TJP2: variants seen among roughly 807,000 people sequenced by gnomAD.
TJP2 encodes the protein tight junction protein 2.
In TJP2, 91 loss-of-function variants were observed where a neutral mutation model predicts 133.1. That is an observed-to-expected ratio of 0.68 (90% CI 0.58 to 0.81). The LOEUF (loss-of-function observed/expected upper bound fraction) is 0.81, where lower values mean the gene tolerates loss of function less well. Among genes scored for constraint, TJP2 ranks in the 40% least tolerant of loss-of-function variants. TJP2 has a pLI of 0.00. For missense variants in TJP2, 1,541 were observed against 1,565.6 expected (o/e 0.98, Z 0.26); for synonymous variants, 592 against 583.4 (o/e 1.01, Z -0.21).
chr9:69,231,278 A>G (rs1282761944), intron 11 of TJP2, among the ~76,000 whole-genome samples: 1 of 151,980 alleles, frequency 6.6e-6, no homozygotes, highest in East Asian at 1.9e-4. Context: ...TTGTCTTTTT[A>G]GTAGAGACAG....
chr9:69,145,912 G>T, intron 1 of TJP2: 1 of 663,108 alleles, frequency 1.5e-6, no homozygotes, highest in South Asian at 7.9e-5. Flanking sequence ...CCTCTGTCTT[G>T]TGGGGATAAT....
At chr9:69,161,188 T>C (rs1488567497) in intron 2 of TJP2, among the ~76,000 whole-genome samples, 1 of 151,952 alleles carries the variant, frequency 6.6e-6, no homozygotes, top group African/African-American at 2.4e-5. Context: ...GTAGTATGCC[T>C]GGCCAATAGC....
intron 1 of TJP2, among the ~76,000 whole-genome samples, chr9:69,125,250 G>A (rs1822272298): frequency 1.4e-5 from 1 of 72,592 alleles, no homozygotes; most frequent in African/African-American, 4.3e-5. Flanking sequence ...ACTGCGCCCG[G>A]CCAAGTCAAA....
rs1831441706 is a variant in TJP2, at chr9:69,252,868, C to T, written c.3375C>T (p.His1125=). Residue 1125 remains histidine (H), a synonymous_variant, in exon 22 of 23, where the codon CAC becomes CAT. Transcript: ENST00000377245. Reference sequence around the variant, plus strand: ...TCTATGCAGTTCCAATCAAAACGCACAAGCCAGACCCTGGCACGCCCCAGC... The same window carrying T: ...TCTATGCAGTTCCAATCAAAACGCATAAGCCAGACCCTGGCACGCCCCAGC... ...PDIYAVPIKT[H]KPDPGTPQHT... 3 of 1,614,068 alleles carry T rather than the reference C, an allele frequency of 1.9e-6. No homozygotes were observed. The highest frequency in any genetic ancestry group is 1.3e-5 in the African/African-American group (1 of 74,918).
At chr9:69,155,617 A>G (rs1243496556) in intron 2 of TJP2, among the ~76,000 whole-genome samples, 1 of 152,196 alleles carries the variant, frequency 6.6e-6, no homozygotes, top group Admixed American at 6.5e-5. Flanking sequence ...TTGTTTACAG[A>G]TGGTGTGTGT....
In TJP2 at chr9:69,240,009, G is replaced by A; in HGVS notation, c.2428G>A (p.Val810Met). Residue 810 changes from valine (V) to methionine (M), a missense_variant, in exon 17 of 23, where the codon GTG becomes ATG. Physicochemically the swap from Val to Met is conservative, Grantham distance 21. Coordinates refer to ENST00000377245, the MANE Select transcript of TJP2 (RefSeq NM_004817.4). ...GAATTACACCCAGTGGTTCCCAATT[G>A]TGATTTTTTTCAACCCAGACTCCAG... ...LLNYTQWFPI[V>M]IFFNPDSRQG... is the part of the protein sequence containing the mutation. 3.1e-6 allele frequency: 5 copies of A among 1,614,102 alleles called. No homozygotes were observed. The highest frequency in any genetic ancestry group is 2.2e-5 in the East Asian group (1 of 44,878).
rs1266370630 is a variant in TJP2 at position 69,183,086 on chromosome 9, T to G, written c.60+8654T>G. 2.0e-5 allele frequency among the ~76,000 whole-genome samples: 3 copies of G among 152,248 alleles called. No individual in the cohort carries two copies. The East Asian group carries it at 5.8e-4, about 29-fold the overall frequency. ...TGCTGGAATTACAGGCGTGAGCCAT[T>G]GTGCCTGGCCAGGGAATTTTATTTA... On this transcript the variant is annotated intron_variant, in intron 1 of 22. Coordinates refer to ENST00000377245, the MANE Select transcript of TJP2 (RefSeq NM_004817.4).
intron 1 of TJP2, among the ~76,000 whole-genome samples, chr9:69,148,660 G>A (rs1327336350): frequency 2.0e-5 from 3 of 151,580 alleles, no homozygotes; most frequent in African/African-American, 2.4e-5. Context: ...ATGAGCCACC[G>A]CCCCCCTCTG....
chr9:69,249,749 AAAG>A, intron 20 of TJP2: 1 of 985,010 alleles, frequency 1.0e-6, no homozygotes. Context: ...CTTGTTAAAA[AAAG>A]ATTGTAAAGA....
rs1825826582 is a variant in TJP2, at chr9:69,185,897, C to CT, written c.60+11472dup. ...AATGTAGTCCTTTTTTTTTTTTTTT[C>CT]TTTTTTTGGAGACGGAGTCTCGGTT... On this transcript the variant is annotated intron_variant, in intron 1 of 22. Coordinates refer to ENST00000377245, the MANE Select transcript of TJP2 (RefSeq NM_004817.4). Among the ~76,000 whole-genome samples, 51 of 94,328 alleles carry CT rather than the reference C, an allele frequency of 5.4e-4. No individual in the cohort carries two copies. The Admixed American group carries it at 5.5e-3, about 10-fold the overall frequency. 61.9% of individuals were successfully genotyped at this position (94,328 alleles called of 152,430 possible).
chr9:69,178,389 G>T (rs1825249828), intron 1 of TJP2, among the ~76,000 whole-genome samples: 1 of 152,200 alleles, frequency 6.6e-6, no homozygotes, highest in South Asian at 2.1e-4. Context: ...ATTAAGTAAA[G>T]CAGTGAGTTT....
intron 6 of TJP2, 133 bp downstream of exon 6, chr9:69,225,540 A>AT (rs1829278318): frequency 1.5e-6 from 1 of 684,052 alleles, no homozygotes. Context: ...CAAGAGCAGC[A>AT]TAATGAGACG....
chr9:69,139,363 A>G (rs1008969197), intron 1 of TJP2, among the ~76,000 whole-genome samples: 4 of 152,248 alleles, frequency 2.6e-5, no homozygotes, highest in African/African-American at 9.6e-5. Context: ...GTGTTTATAG[A>G]GGTAATCAAG....
At chr9:69,168,000 AAAT>A (rs1824455187) in intron 2 of TJP2, among the ~76,000 whole-genome samples, 1 of 152,236 alleles carries the variant, frequency 6.6e-6, no homozygotes. Flanking sequence ...CACCAACCTA[AAAT>A]AATTGAAAAG....
intron 5 of TJP2, 80 bp downstream of exon 5, chr9:69,221,576 G>T (rs770827751): frequency 2.6e-6 from 4 of 1,521,142 alleles, no homozygotes; most frequent in African/African-American, 1.4e-5. Flanking sequence ...TTTTTCCCCC[G>T]AAAGTGTTGC....
chr9:69,238,634 C>G, intron 15 of TJP2, 76 bp from the exon 16 acceptor site: 1 of 1,170,610 alleles, frequency 8.5e-7, no homozygotes, highest in Admixed American at 1.9e-5. Flanking sequence ...GCCATCATTG[C>G]TTGATGCTAG....
chr9:69,155,905 G>C (rs1233499269), intron 2 of TJP2, among the ~76,000 whole-genome samples: 2 of 152,212 alleles, frequency 1.3e-5, no homozygotes, highest in Non-Finnish European at 2.9e-5. Flanking sequence ...AAAGTTATTG[G>C]CTATGTGCAC....
chr9:69,172,434 T>C (rs1357230953), upstream of TJP2, among the ~76,000 whole-genome samples: 1 of 152,254 alleles, frequency 6.6e-6, no homozygotes, highest in Non-Finnish European at 1.5e-5. Context: ...TTCTGAGCCC[T>C]TGAAATGAGA....
upstream of TJP2, among the ~76,000 whole-genome samples, chr9:69,169,750 C>T (rs559625828): frequency 4.6e-5 from 7 of 151,102 alleles, no homozygotes; most frequent in Non-Finnish European, 7.4e-5. Flanking sequence ...TATATATATA[C>T]ACACACACAG....
Sources: allele counts gnomAD v4.1 joint callset (sites outside exome capture counted in the v4.1 genomes callset), GRCh38; gene constraint gnomAD v4.1.1; transcripts MANE v1.5; gene names NCBI Gene and HGNC (gene_info 2026-07-23, HGNC 2026-07-21).